MTMR10: variants seen among roughly 807,000 people sequenced by gnomAD.
The protein encoded by MTMR10 is myotubularin related protein 10, also known as myotubularin-related protein 10.
Under a neutral mutation model 88.1 loss-of-function variants are expected in MTMR10, and 56 were observed. The ratio of observed to expected loss-of-function variants is 0.64; its 90% CI spans 0.51 to 0.79. The LOEUF is 0.79. Among genes scored for constraint, MTMR10 ranks in the 30% least tolerant of loss-of-function variants. The pLI is 0.00. For synonymous variants in MTMR10, 380 were observed against 340.9 expected (o/e 1.11, Z -1.26); for missense variants, 883 against 924.7 (o/e 0.95, Z 0.58).
chr15:30,926,529 C>A, the MTMR10 span: 2 of 646,294 alleles, frequency 3.1e-6, no homozygotes, highest in Non-Finnish European at 3.8e-6. Context: ...AAGACAACCA[C>A]AAGATAGGAG....
chr15:30,937,302 T>G, downstream of MTMR10: 1 of 1,550,908 alleles, frequency 6.4e-7, no homozygotes, highest in Non-Finnish European at 8.8e-7. Flanking sequence ...ATGTAAGATT[T>G]TCAAGAGTAT....
chr15:30,987,359 T>C (rs2031005560), intron 2 of MTMR10, among the ~76,000 whole-genome samples: 1 of 152,192 alleles, frequency 6.6e-6, no homozygotes, highest in South Asian at 2.1e-4. Context: ...AAAGTTGAAG[T>C]AGGCACAATA....
intron 14 of MTMR10, among the ~76,000 whole-genome samples, chr15:30,944,186 A>T (rs1057218184): frequency 1.3e-4 from 20 of 152,210 alleles, no homozygotes; most frequent in African/African-American, 4.6e-4. Context: ...TAAGCTGTGT[A>T]ACAGCACAGG....
rs1301556776 is a variant in MTMR10 at position 30,951,944 on chromosome 15, GCTTTCAGGAGTTA to G, written c.1207+11_1207+23del. The G allele has an allele frequency of 2.5e-6, 4 of 1,596,212 alleles. No individual in the cohort carries two copies. Among genetic ancestry groups the G allele is most frequent in the Non-Finnish European group, 3.4e-6 (4 of 1,163,746 alleles). On this transcript the variant is annotated intron_variant, in intron 12 of 15. Transcript: ENST00000435680. Reference sequence around the variant, plus strand: ...GGCTGGCTGGTATGGTGGTCATGGTGCTTTCAGGAGTTACTTTAGTTACCTTGTAGGACTACAG... The same window carrying G: ...GGCTGGCTGGTATGGTGGTCATGGTGCTTTAGTTACCTTGTAGGACTACAG...
chr15:30,991,369 C>A, intron 1 of MTMR10, 78 bp downstream of exon 1: 1 of 1,348,634 alleles, frequency 7.4e-7, no homozygotes, highest in Non-Finnish European at 9.8e-7. Context: ...CTGGGGTCCT[C>A]CAGTTCCCGG....
chr15:30,966,863 T>TC (rs1029393713), intron 6 of MTMR10, among the ~76,000 whole-genome samples: 1 of 150,726 alleles, frequency 6.6e-6, no homozygotes, highest in Non-Finnish European at 1.5e-5. Flanking sequence ...ATTTTCTTTT[T>TC]TTTTTTTTTT....
chr15:30,951,743 G>A (rs904216797), intron 12 of MTMR10, among the ~76,000 whole-genome samples: 5 of 152,080 alleles, frequency 3.3e-5, no homozygotes, highest in East Asian at 1.9e-4. Context: ...CAAGTGATCC[G>A]CCCGCCTCGA....
At chr15:30,931,366 C>T in the MTMR10 span, among the ~76,000 whole-genome samples, 1 of 152,136 alleles carries the variant, frequency 6.6e-6, no homozygotes, top group East Asian at 1.9e-4. Context: ...CATTTCATCC[C>T]AGTCTATGGC....
At chr15:30,929,651 ATAT>A in the MTMR10 span, among the ~76,000 whole-genome samples, 1 of 70,662 alleles carries the variant, frequency 1.4e-5, no homozygotes, top group South Asian at 3.8e-4. Context: ...ACAATATATA[ATAT>A]AATATATGAA....
In MTMR10 at chr15:30,942,976, G is replaced by A. The variant is rs199738979; in HGVS notation, c.1645C>T (p.Arg549Cys). ...DWSLQFTAKD[R>C]TLFHNPFYIG... ...TAGAAGGGGTTATGGAAAAGGGTGC[G>A]ATCCTTTGCTGTAAACTGGAGAGAC... Residue 549 changes from arginine to cysteine, a missense_variant, in exon 15 of 16, where the codon CGC becomes TGC. By Grantham distance (180) the Arg-to-Cys change is radical. Around this residue, in one of 3 missense-constraint regions of MTMR10, gnomAD observed 343 missense variants for 323.2 expected, o/e 1.06. Coordinates refer to ENST00000435680, the MANE Select transcript of MTMR10 (RefSeq NM_017762.3). The A allele has an allele frequency of 4.2e-4, 660 of 1,555,686 alleles. No individual in the cohort carries two copies. Among genetic ancestry groups the A allele is most frequent in the Non-Finnish European group, 5.3e-4 (614 of 1,148,458 alleles).
the MTMR10 span, among the ~76,000 whole-genome samples, chr15:30,921,280 T>G: frequency 1.3e-5 from 2 of 152,200 alleles, no homozygotes; most frequent in Non-Finnish European, 2.9e-5. Flanking sequence ...AGCCTGAGCC[T>G]GAGTCTCTTT....
chr15:30,925,245 A>T, the MTMR10 span: 1 of 1,613,992 alleles, frequency 6.2e-7, no homozygotes, highest in South Asian at 1.1e-5. Flanking sequence ...AAGTTCAAGC[A>T]CCTCTTCCAG....
chr15:30,927,103 G>A, the MTMR10 span: 1 of 932,930 alleles, frequency 1.1e-6, no homozygotes, highest in Non-Finnish European at 1.3e-6. Flanking sequence ...CTTGAACTCT[G>A]AAGACGGAGG....
chr15:30,976,871 A>G lies in MTMR10; in HGVS notation c.206T>C (p.Ile69Thr). 6.2e-7 allele frequency: 1 copy of G among 1,613,962 alleles called. No individual in the cohort carries two copies. The highest frequency in any genetic ancestry group is 8.5e-7 in the Non-Finnish European group (1 of 1,179,830). ...TSQYDLWGKLICSNFKISFIT... is the reference protein window; with the variant it reads ...TSQYDLWGKLTCSNFKISFIT... ...AAAGGAGATTTTGAAGTTACTGCAT[A>G]TCAGCTTTCCCCACAAATCGTACTG... Residue 69 changes from isoleucine (I) to threonine (T), a missense_variant, in exon 3 of 16, where the codon ATA (isoleucine) becomes ACA (threonine). Physicochemically the swap from Ile to Thr is moderately conservative, Grantham distance 89. Coordinates refer to ENST00000435680, the MANE Select transcript of MTMR10 (RefSeq NM_017762.3).
intron 5 of MTMR10, among the ~76,000 whole-genome samples, chr15:30,969,836 C>T (rs978890378): frequency 6.6e-6 from 1 of 152,048 alleles, no homozygotes; most frequent in Non-Finnish European, 1.5e-5. Context: ...TTCTGCCTGA[C>T]TTAGCCCCAG....
intron 9 of MTMR10, among the ~76,000 whole-genome samples, chr15:30,956,791 T>C (rs2063333638): frequency 6.6e-6 from 1 of 152,262 alleles, no homozygotes; most frequent in Non-Finnish European, 1.5e-5. Context: ...TAAGGTTTTA[T>C]AACTAACTCT....
intron 1 of MTMR10, chr15:30,991,192 C>CACCGAGA: frequency 2.1e-6 from 1 of 483,888 alleles, no homozygotes; most frequent in South Asian, 3.8e-5. Context: ...TCCCCTGGGC[C>CACCGAGA]TCAACACTCC....
At chr15:30,933,687 T>C in the MTMR10 span, among the ~76,000 whole-genome samples, 9 of 152,226 alleles carry the variant, frequency 5.9e-5, no homozygotes, top group Non-Finnish European at 1.0e-4. Flanking sequence ...TGATTTCTTA[T>C]TTACTTGTTC....
intron 2 of MTMR10, among the ~76,000 whole-genome samples, chr15:30,984,422 T>C (rs1293931010): frequency 6.6e-6 from 1 of 152,212 alleles, no homozygotes; most frequent in East Asian, 1.9e-4. Flanking sequence ...TCAAAAACAA[T>C]GCATTCACAA....
Sources: gnomAD v4.1 joint callset for allele counts (sites outside exome capture counted in the v4.1 genomes callset) on GRCh38, gnomAD v4.1.1 for gene constraint, gnomAD v4.1.1 regional missense constraint, MANE v1.5 for transcripts, NCBI Gene and HGNC (gene_info 2026-07-23, HGNC 2026-07-21) for gene names.